Variants in NCAM2 observed in about 807,000 individuals in gnomAD.
NCAM2 encodes neural cell adhesion molecule 2.
In NCAM2, 30 loss-of-function variants were observed where a neutral mutation model predicts 98.1. The observed-to-expected ratio is 0.31, with a 90% CI of 0.23 to 0.41. NCAM2 has a LOEUF of 0.41. NCAM2 is among the 10% of genes least tolerant of loss of function. The probability of loss-of-function intolerance (pLI) is 1.00; values close to 1 mark genes in which losing one functional copy is unlikely to be tolerated. For missense variants in NCAM2, 867 were observed against 1,005.8 expected (o/e 0.86, Z 1.87); for synonymous variants, 368 against 342.4 (o/e 1.07, Z -0.83).
At chr21:21,084,494 G>A (rs541274274) in intron 1 of NCAM2, among the ~76,000 whole-genome samples, 1 of 152,126 alleles carries the variant, frequency 6.6e-6, no homozygotes, top group South Asian at 2.1e-4. Context: ...TTACTTATCT[G>A]CCTACTATTT....
intron 1 of NCAM2, among the ~76,000 whole-genome samples, chr21:21,219,574 C>T (rs769899089): frequency 7.2e-5 from 11 of 152,162 alleles, no homozygotes; most frequent in Non-Finnish European, 1.3e-4. Context: ...TGTTGCCAGT[C>T]AATAAACGCA....
At chr21:21,338,653 T>A (rs2074944480) in intron 8 of NCAM2, 119 bp downstream of exon 8, 1 of 1,098,470 alleles carries the variant, frequency 9.1e-7, no homozygotes, top group Non-Finnish European at 1.3e-6. Flanking sequence ...AAATAAATGG[T>A]TTGATTTTTA....
At chr21:21,358,106 A>G (rs868099545) in intron 8 of NCAM2, among the ~76,000 whole-genome samples, 15 of 152,124 alleles carry the variant, frequency 9.9e-5, no homozygotes, top group Middle Eastern at 3.2e-3. Flanking sequence ...CGTAATCTGC[A>G]AGATCATCAA....
chr21:21,130,946 C>T (rs1372646142), intron 1 of NCAM2, among the ~76,000 whole-genome samples: 4 of 151,980 alleles, frequency 2.6e-5, no homozygotes, highest in African/African-American at 9.7e-5. Context: ...ACGTGATCAA[C>T]GTTATTGATA....
chr21:21,203,132 T>A (rs2069297815), intron 1 of NCAM2, among the ~76,000 whole-genome samples: 1 of 152,194 alleles, frequency 6.6e-6, no homozygotes, highest in African/African-American at 2.4e-5. Flanking sequence ...ATTACAATTC[T>A]GAGTTAGAGT....
chr21:21,056,391 C>A (rs1227611931), intron 1 of NCAM2, among the ~76,000 whole-genome samples: 2 of 151,772 alleles, frequency 1.3e-5, no homozygotes, highest in Non-Finnish European at 2.9e-5. Context: ...GGTAATATTG[C>A]CCATTCATCT....
chr21:21,171,419 T>C (rs963154077), intron 1 of NCAM2, among the ~76,000 whole-genome samples: 5 of 152,192 alleles, frequency 3.3e-5, no homozygotes, highest in Admixed American at 1.3e-4. Flanking sequence ...GGGTATATTT[T>C]GTCTTGGTCT....
At chr21:21,247,319 A>AAAC (rs894969377) in intron 1 of NCAM2, among the ~76,000 whole-genome samples, 12 of 152,142 alleles carry the variant, frequency 7.9e-5, no homozygotes, top group South Asian at 2.1e-4. Flanking sequence ...ACTCCGTCTC[A>AAAC]AACAACAACA....
chr21:21,333,314 C>T (rs138369874), intron 6 of NCAM2, among the ~76,000 whole-genome samples: 81 of 152,258 alleles, frequency 5.3e-4, no homozygotes, highest in African/African-American at 1.8e-3. Flanking sequence ...AGTTTTGCCC[C>T]TCTACTTCAA....
At position 21,335,675 on chromosome 21, in the gene NCAM2, A is replaced by G. The variant is rs772565322; in HGVS notation, c.898+10A>G. 2 of 1,589,888 alleles carry G rather than the reference A, an allele frequency of 1.3e-6. No individual in the cohort carries two copies. The highest frequency in any genetic ancestry group is 1.8e-5 in the Admixed American group (1 of 55,624). On this transcript the variant is annotated intron_variant, in intron 7 of 17. Coordinates refer to ENST00000400546, the MANE Select transcript of NCAM2 (RefSeq NM_004540.5). ...TTCCTCCAAGTCTTTGGTAAGTATT[A>G]TAGCATAGTGGCTAAAACTGTTATG...
At chr21:21,251,333 C>T (rs931410872) in intron 1 of NCAM2, among the ~76,000 whole-genome samples, 4 of 151,666 alleles carry the variant, frequency 2.6e-5, no homozygotes, top group Admixed American at 6.6e-5. Flanking sequence ...GCCCCCCACC[C>T]CCTGTGTTGT....
intron 1 of NCAM2, among the ~76,000 whole-genome samples, chr21:21,151,502 T>C (rs565399666): frequency 6.6e-6 from 1 of 152,220 alleles, no homozygotes; most frequent in Admixed American, 6.5e-5. Context: ...TTTTACTTTC[T>C]CAGAGTGGAA....
intron 9 of NCAM2, among the ~76,000 whole-genome samples, chr21:21,382,573 T>A (rs932405612): frequency 6.6e-6 from 1 of 150,790 alleles, no homozygotes; most frequent in South Asian, 2.1e-4. Context: ...TGGAGTGCAA[T>A]GGTGTGATCT....
chr21:21,158,520 G>A (rs956246381), intron 1 of NCAM2, among the ~76,000 whole-genome samples: 5 of 151,612 alleles, frequency 3.3e-5, no homozygotes, highest in Non-Finnish European at 5.9e-5. Flanking sequence ...CAGGAGAATC[G>A]CTTGAACCCA....
intron 1 of NCAM2, among the ~76,000 whole-genome samples, chr21:21,122,523 TCA>T (rs2066696696): frequency 6.6e-6 from 1 of 152,218 alleles, no homozygotes; most frequent in South Asian, 2.1e-4. Flanking sequence ...TTATTATTTC[TCA>T]CAATTCTTTG....
At chr21:21,429,722 A>G (rs1288109380) in intron 11 of NCAM2, among the ~76,000 whole-genome samples, 1 of 152,220 alleles carries the variant, frequency 6.6e-6, no homozygotes, top group Admixed American at 6.5e-5. Flanking sequence ...TTGTATTTCC[A>G]GATATGATTT....
At chr21:21,063,648 G>A (rs1399788749) in intron 1 of NCAM2, among the ~76,000 whole-genome samples, 1 of 151,606 alleles carries the variant, frequency 6.6e-6, no homozygotes, top group Non-Finnish European at 1.5e-5. Context: ...TAGAACTTTC[G>A]AAAGAAAAGA....
chr21:21,009,118 A>T (rs2064161030), intron 1 of NCAM2, among the ~76,000 whole-genome samples: 1 of 152,260 alleles, frequency 6.6e-6, no homozygotes, highest in Non-Finnish European at 1.5e-5. Flanking sequence ...TCATATGTGT[A>T]TTCCTAGAAC....
intron 15 of NCAM2, among the ~76,000 whole-genome samples, chr21:21,507,681 T>G (rs1988072377): frequency 6.6e-6 from 1 of 150,788 alleles, no homozygotes; most frequent in Admixed American, 6.7e-5. Context: ...TCTCAGCTAC[T>G]CGGGAGGCTG....
Sources: gnomAD v4.1 joint callset for allele counts (sites outside exome capture counted in the v4.1 genomes callset) on GRCh38, gnomAD v4.1.1 for gene constraint, MANE v1.5 for transcripts, NCBI Gene and HGNC (gene_info 2026-07-23, HGNC 2026-07-21) for gene names.